The following RBFOX1 variants were observed in gnomAD, a reference collection of about 807,000 sequenced individuals.
The protein encoded by RBFOX1 is RNA binding protein fox-1 homolog 1.
RBFOX1 carries 8 observed loss-of-function variants against 57.7 expected under a neutral mutation model. The ratio of observed to expected loss-of-function variants is 0.14; its 90% confidence interval spans 0.08 to 0.25. RBFOX1 has a LOEUF of 0.25. RBFOX1 is among the 10% of genes least tolerant of loss of function. The pLI is 1.00. For missense variants in RBFOX1, 611 were observed against 548.5 expected, an observed-to-expected ratio of 1.11 and a Z score of -1.14; for synonymous variants, 326 against 222.4, an observed-to-expected ratio of 1.47 and a Z score of -4.15.
At chr16:7,268,839 C>G (rs999269003) in intron 4 of RBFOX1, among the ~76,000 whole-genome samples, 7 of 151,850 alleles carry the variant, frequency 4.6e-5, no homozygotes, top group Non-Finnish European at 1.0e-4. Flanking sequence ...GAGTTCGATA[C>G]CAGTTTCACC....
chr16:7,375,452 G>A (rs755790877), intron 4 of RBFOX1, among the ~76,000 whole-genome samples: 3 of 151,910 alleles, frequency 2.0e-5, no homozygotes, highest in African/African-American at 4.8e-5. Flanking sequence ...TCTCAATCCA[G>A]GAAAGAGAGA....
At chr16:6,136,957 A>G (rs1489716633) in intron 1 of RBFOX1, among the ~76,000 whole-genome samples, 1 of 152,188 alleles carries the variant, frequency 6.6e-6, no homozygotes, top group Non-Finnish European at 1.5e-5. Flanking sequence ...AACGAACCAT[A>G]AAGTTTAATT....
chr16:5,838,270 CT>C, intron 3 of RBFOX1: 1 of 227,826 alleles, frequency 4.4e-6, no homozygotes, highest in Admixed American at 5.3e-5. Flanking sequence ...GTGACAACAG[CT>C]CCTGAGGTAT....
At chr16:7,055,983 C>A (rs1160768246) in intron 4 of RBFOX1, among the ~76,000 whole-genome samples, 1 of 152,146 alleles carries the variant, frequency 6.6e-6, no homozygotes, top group South Asian at 2.1e-4. Flanking sequence ...TCACATCTTC[C>A]ATCCTAACCT....
At chr16:7,439,501 TC>T (rs2098749222) in intron 4 of RBFOX1, among the ~76,000 whole-genome samples, 1 of 152,094 alleles carries the variant, frequency 6.6e-6, no homozygotes, top group Non-Finnish European at 1.5e-5. Flanking sequence ...TCCACCTAGT[TC>T]CTCCCATCTC....
intron 4 of RBFOX1, among the ~76,000 whole-genome samples, chr16:7,456,486 C>T (rs1474635380): frequency 1.3e-5 from 2 of 152,248 alleles, no homozygotes; most frequent in East Asian, 1.9e-4. Context: ...CTCCAACTCC[C>T]AGCATTGTTT....
intron 3 of RBFOX1, among the ~76,000 whole-genome samples, chr16:5,789,245 G>A (rs1375067090): frequency 1.3e-5 from 2 of 152,296 alleles, no homozygotes; most frequent in Admixed American, 1.3e-4. Context: ...GGAGCCCAAA[G>A]TATGAATTAA....
chr16:6,799,267 G>T (rs112349274), intron 3 of RBFOX1, among the ~76,000 whole-genome samples: 7,885 of 152,152 alleles, frequency 0.052, 301 homozygotes, highest in Middle Eastern at 0.088. Flanking sequence ...CACCCCACAG[G>T]CCGAGTAGCA....
chr16:7,004,389 C>T (rs775848380), intron 3 of RBFOX1, among the ~76,000 whole-genome samples: 25 of 152,164 alleles, frequency 1.6e-4, no homozygotes, highest in South Asian at 8.3e-4. Flanking sequence ...CTTTGTCCAC[C>T]GGTTTTATTT....
At chr16:6,930,485 C>T (rs748336139) in intron 3 of RBFOX1, among the ~76,000 whole-genome samples, 1 of 151,882 alleles carries the variant, frequency 6.6e-6, no homozygotes, top group Non-Finnish European at 1.5e-5. Context: ...TCTCGGCTCA[C>T]TACAACCTCT....
intron 3 of RBFOX1, among the ~76,000 whole-genome samples, chr16:6,886,391 T>C (rs7202374): frequency 0.093 from 14,156 of 151,840 alleles, 2,200 homozygotes; most frequent in African/African-American, 0.32. Context: ...TGTGTCACCA[T>C]TGAGAAGAAA....
intron 3 of RBFOX1, among the ~76,000 whole-genome samples, chr16:5,716,920 G>A (rs7195125): frequency 0.1 from 15,711 of 152,104 alleles, 2,717 homozygotes; most frequent in African/African-American, 0.36. Context: ...TCCCAGCACC[G>A]GAGCCTGGAT....
chr16:5,387,264 A>G (rs755594065), intron 1 of RBFOX1, among the ~76,000 whole-genome samples: 4 of 152,114 alleles, frequency 2.6e-5, no homozygotes, highest in Non-Finnish European at 2.9e-5. Flanking sequence ...CATTTTCAGA[A>G]TCTGCTGGGA....
At chr16:7,342,480 A>G (rs1159708186) in intron 4 of RBFOX1, among the ~76,000 whole-genome samples, 6 of 152,210 alleles carry the variant, frequency 3.9e-5, no homozygotes, top group Admixed American at 3.9e-4. Flanking sequence ...CATTGTACCA[A>G]CGCCACAACT....
chr16:5,699,390 G>A (rs11646262), intron 3 of RBFOX1, among the ~76,000 whole-genome samples: 1 of 143,704 alleles, frequency 7.0e-6, no homozygotes, highest in East Asian at 2.1e-4. Context: ...TTTTTCTCCT[G>A]CTCTTGGGTC....
At chr16:6,486,422 C>A (rs1418049562) in intron 2 of RBFOX1, among the ~76,000 whole-genome samples, 1 of 152,010 alleles carries the variant, frequency 6.6e-6, no homozygotes, top group Admixed American at 6.5e-5. Flanking sequence ...GATATCTGAA[C>A]TAATAATAAA....
rs1481334431 is a variant in RBFOX1, at chr16:7,026,039, G to A, written c.-15-26018G>A. Among the ~76,000 whole-genome samples, 4 of 152,172 alleles carry A rather than the reference G, an allele frequency of 2.6e-5. No homozygotes were observed. In the East Asian group the frequency reaches 7.7e-4, roughly 29 times the overall value. On this transcript the variant is annotated intron_variant, in intron 3 of 15. Coordinates refer to ENST00000550418, the MANE Select transcript of RBFOX1 (RefSeq NM_018723.4). Reference sequence around the variant, plus strand: ...ACCCCAGACCAAGAAGGAACAAAGGGAAAACAAAAGGACTAGCGCAGCTGC... The same window carrying A: ...ACCCCAGACCAAGAAGGAACAAAGGAAAAACAAAAGGACTAGCGCAGCTGC...
rs1252698260 is a variant in RBFOX1 at position 7,676,560 on chromosome 16, T to TGACC, written c.931-212_931-209dup. 1.5e-4 allele frequency among the ~76,000 whole-genome samples: 23 copies of TGACC among 152,350 alleles called. 2 individuals are homozygous for TGACC. The South Asian group carries it at 4.8e-3, about 32-fold the overall frequency. ...AGGCTCTTCTTTTGGGATGTGCTTATGACCGCTAACCTTTAACATCCAGCT... is the reference window on the plus strand; with the variant it reads ...AGGCTCTTCTTTTGGGATGTGCTTATGACCGACCGCTAACCTTTAACATCCAGCT... On this transcript the variant is annotated intron_variant, in intron 13 of 15. Transcript: ENST00000550418.
At chr16:6,623,388 A>G (rs888018436) in intron 2 of RBFOX1, among the ~76,000 whole-genome samples, 4 of 151,860 alleles carry the variant, frequency 2.6e-5, no homozygotes, top group Admixed American at 2.6e-4. Context: ...TCTGATTGTC[A>G]CTTTCATGCA....
Sources: gnomAD v4.1 joint callset for allele counts (sites outside exome capture counted in the v4.1 genomes callset) on GRCh38, gnomAD v4.1.1 for gene constraint, MANE v1.5 for transcripts, NCBI Gene and HGNC (gene_info 2026-07-23, HGNC 2026-07-21) for gene names.